Variants in ATG10 observed in about 807,000 individuals in gnomAD.
ATG10 encodes the protein autophagy related 10, also known as ubiquitin-like-conjugating enzyme ATG10.
Under a neutral mutation model 32.1 loss-of-function variants are expected in ATG10, and 30 were observed. That is an observed-to-expected ratio of 0.94 (90% CI 0.70 to 1.27). The LOEUF (loss-of-function observed/expected upper bound fraction) is 1.27. ATG10 is among the 50% of genes most tolerant of loss of function. The pLI is 0.00. For missense variants in ATG10, 233 were observed against 262.3 expected, an observed-to-expected ratio of 0.89 and a Z score of 0.77; for synonymous variants, 87 against 91.5, an observed-to-expected ratio of 0.95 and a Z score of 0.28.
chr5:82,106,223 A>G (rs1047878509), intron 3 of ATG10, among the ~76,000 whole-genome samples: 1 of 152,186 alleles, frequency 6.6e-6, no homozygotes, highest in Admixed American at 6.6e-5. Context: ...ATTTTTAAAA[A>G]TGGCATTGAA....
chr5:82,100,000 GTTTTTTTT>G (rs869311526), intron 3 of ATG10, among the ~76,000 whole-genome samples: 13 of 58,956 alleles, frequency 2.2e-4, no homozygotes, highest in Middle Eastern at 0.013. Flanking sequence ...CTTTTTCTGT[GTTTTTTTT>G]TTTTTTTTTT....
chr5:82,174,075 G>A (rs1332438369), intron 4 of ATG10, among the ~76,000 whole-genome samples: 1 of 152,082 alleles, frequency 6.6e-6, no homozygotes, highest in Admixed American at 6.6e-5. Flanking sequence ...AATTAGTCAC[G>A]ATCATATTTG....
chr5:82,135,458 T>G (rs1766693810), intron 3 of ATG10, among the ~76,000 whole-genome samples: 1 of 152,260 alleles, frequency 6.6e-6, no homozygotes. Context: ...AGAACTAATT[T>G]ATTTGTGCCT....
intron 5 of ATG10, among the ~76,000 whole-genome samples, chr5:82,244,059 C>T (rs1240700238): frequency 6.6e-6 from 1 of 152,074 alleles, no homozygotes; most frequent in Non-Finnish European, 1.5e-5. Flanking sequence ...CAGTGAATAA[C>T]AAGCAACTGA....
intron 3 of ATG10, among the ~76,000 whole-genome samples, chr5:82,098,887 G>C (rs942598137): frequency 5.3e-5 from 8 of 152,186 alleles, no homozygotes; most frequent in African/African-American, 1.9e-4. Context: ...ATTTAGACTT[G>C]TTGGCAGCAT....
At chr5:82,251,286 C>T (rs1246106163) in intron 5 of ATG10, among the ~76,000 whole-genome samples, 3 of 152,150 alleles carry the variant, frequency 2.0e-5, no homozygotes, top group Non-Finnish European at 4.4e-5. Flanking sequence ...TAATTCATCC[C>T]ATCAACAGCT....
At chr5:81,988,358 C>T (rs967755248) in intron 2 of ATG10, among the ~76,000 whole-genome samples, 52 of 151,932 alleles carry the variant, frequency 3.4e-4, no homozygotes, top group African/African-American at 1.1e-3. Flanking sequence ...AGGGTGGTCT[C>T]GAACTCCTGG....
intron 4 of ATG10, among the ~76,000 whole-genome samples, chr5:82,175,873 TCA>T (rs753141522): frequency 6.6e-6 from 1 of 151,366 alleles, no homozygotes; most frequent in Non-Finnish European, 1.5e-5. Flanking sequence ...TTGTTTATTT[TCA>T]CACACACACA....
chr5:82,081,735 G>T (rs529596663), intron 3 of ATG10, among the ~76,000 whole-genome samples: 109 of 152,218 alleles, frequency 7.2e-4, no homozygotes, highest in Non-Finnish European at 1.3e-3. Flanking sequence ...ATAAGCTTTT[G>T]GATGTGCTGC....
intron 2 of ATG10, among the ~76,000 whole-genome samples, chr5:82,026,438 A>G (rs1258558646): frequency 6.6e-6 from 1 of 152,098 alleles, no homozygotes; most frequent in Non-Finnish European, 1.5e-5. Flanking sequence ...TGCATGTACA[A>G]TATTTGTATT....
rs574503881 is a variant in ATG10, at chr5:82,218,163, C to T, written c.454-34399C>T. Among the ~76,000 whole-genome samples, 172 of 152,074 alleles carry T rather than the reference C, an allele frequency of 1.1e-3. 2 individuals are homozygous for T. The highest frequency in any genetic ancestry group is 2.3e-3 in the Admixed American group (35 of 15,266). On this transcript the variant is annotated intron_variant, in intron 5 of 7. Coordinates refer to ENST00000282185, the MANE Select transcript of ATG10 (RefSeq NM_031482.5). ...GGTTTCAACTTCATCAACCCAGAAC[C>T]ACAATCACAGATTTTGGCTAGACTC...
chr5:82,163,866 GAAT>G (rs1449646555), intron 3 of ATG10, among the ~76,000 whole-genome samples: 1 of 152,176 alleles, frequency 6.6e-6, no homozygotes, highest in Non-Finnish European at 1.5e-5. Flanking sequence ...GAAGAAAACA[GAAT>G]CATCTCAGGT....
At chr5:82,063,378 AATAG>A (rs1302502914) in intron 3 of ATG10, among the ~76,000 whole-genome samples, 4 of 152,206 alleles carry the variant, frequency 2.6e-5, no homozygotes, top group Non-Finnish European at 5.9e-5. Flanking sequence ...GTTTTATCTT[AATAG>A]ATAGTACATT....
At chr5:82,170,896 G>A (rs1452267484) in intron 4 of ATG10, among the ~76,000 whole-genome samples, 5 of 152,038 alleles carry the variant, frequency 3.3e-5, no homozygotes, top group African/African-American at 1.2e-4. Flanking sequence ...GCAGTGAGCC[G>A]AGATCACGCC....
chr5:82,001,777 A>G (rs1761855301), intron 2 of ATG10, among the ~76,000 whole-genome samples: 1 of 152,226 alleles, frequency 6.6e-6, no homozygotes, highest in African/African-American at 2.4e-5. Context: ...CAAAAACAAA[A>G]ATTGACAAAT....
chr5:82,035,730 A>C (rs1372687073), intron 2 of ATG10, among the ~76,000 whole-genome samples: 1 of 148,464 alleles, frequency 6.7e-6, no homozygotes, highest in South Asian at 2.1e-4. Context: ...ATTTGTAAAA[A>C]TAACATATAT....
chr5:82,113,415 T>C (rs1765677214), intron 3 of ATG10, among the ~76,000 whole-genome samples: 1 of 152,010 alleles, frequency 6.6e-6, no homozygotes, highest in African/African-American at 2.4e-5. Flanking sequence ...TAAAGTATTA[T>C]TATATAAAAA....
At chr5:82,177,074 T>G (rs1744059380) in intron 4 of ATG10, among the ~76,000 whole-genome samples, 1 of 152,160 alleles carries the variant, frequency 6.6e-6, no homozygotes. Flanking sequence ...CTTTTAGGTT[T>G]GAGAATTACT....
At chr5:82,175,678 T>C (rs1462254469) in intron 4 of ATG10, among the ~76,000 whole-genome samples, 1 of 152,206 alleles carries the variant, frequency 6.6e-6, no homozygotes, top group African/African-American at 2.4e-5. Flanking sequence ...GTCTTTCCAC[T>C]GGTTGGCACC....
Sources: gnomAD v4.1 joint callset for allele counts (sites outside exome capture counted in the v4.1 genomes callset) on GRCh38, gnomAD v4.1.1 for gene constraint, MANE v1.5 for transcripts, NCBI Gene and HGNC (gene_info 2026-07-23, HGNC 2026-07-21) for gene names.